The following MPP1 variants were observed in gnomAD, a reference collection of about 807,000 sequenced individuals.
MPP1 encodes MAGUK p55 scaffold protein 1, also known as 55 kDa erythrocyte membrane protein.
Under a neutral mutation model 38.2 loss-of-function variants are expected in MPP1, and 6 were observed. The ratio of observed to expected loss-of-function variants is 0.16; its 90% CI spans 0.09 to 0.31. The LOEUF (loss-of-function observed/expected upper bound fraction) is 0.31, where lower values mean the gene tolerates loss of function less well. Among genes scored for constraint, MPP1 ranks in the 10% least tolerant of loss-of-function variants. MPP1 has a pLI of 1.00. For synonymous variants in MPP1, 153 were observed against 146.3 expected, an observed-to-expected ratio of 1.05 and a Z score of -0.33; for missense variants, 293 against 368.9, an observed-to-expected ratio of 0.79 and a Z score of 1.69.
intron 1 of MPP1, chrX:154,804,835 A>G (rs1463309686): frequency 2.9e-6 from 1 of 343,909 alleles, no homozygotes; most frequent in African/African-American, 2.6e-5. Flanking sequence ...TGCCTAAATG[A>G]AGAGGAACAG....
chrX:154,791,902 T>C, intron 2 of MPP1, 55 bp from the exon 3 acceptor site: 1 of 1,100,419 alleles, frequency 9.1e-7, no homozygotes, highest in Non-Finnish European at 1.3e-6. Context: ...TCTGAGGTTA[T>C]TTTAGAAAGA....
In MPP1 at chrX:154,781,618, G is replaced by A; in HGVS notation, c.1131C>T (p.Ile377=). Residue 377 remains isoleucine (I), a synonymous_variant, in exon 10 of 12, where the codon ATC becomes ATT. Coordinates refer to ENST00000369534, the MANE Select transcript of MPP1 (RefSeq NM_002436.4). ...TACCCACCTGGGGCTCAATGTCAAGGATGGCAATCTTGTTCTGCTTATGGA... is the reference window on the plus strand; with the variant it reads ...TACCCACCTGGGGCTCAATGTCAAGAATGGCAATCTTGTTCTGCTTATGGA... The part of the protein sequence containing the change: ...HQIHKQNKIA[I]LDIEPQTLKI... 5.0e-6 allele frequency: 6 copies of A among 1,210,933 alleles called. No individual in the cohort carries two copies. The highest frequency in any genetic ancestry group is 6.7e-6 in the Non-Finnish European group (6 of 895,422).
In MPP1 at chrX:154,783,469, G is replaced by T. The variant is rs782150002; in HGVS notation, c.904C>A (p.Leu302Met). The T allele has an allele frequency of 5.0e-6, 6 of 1,210,654 alleles. No homozygotes were observed. The highest frequency in any genetic ancestry group is 5.6e-6 in the Non-Finnish European group (5 of 894,968). The change falls in exon 9 of 12, where the codon CTG becomes ATG. Residue 302 changes from leucine to methionine, a missense_variant. Leu to Met is a conservative substitution (Grantham distance 15). Coordinates refer to ENST00000369534, the MANE Select transcript of MPP1 (RefSeq NM_002436.4). ...AACTTCTCCGGATTCTGGCTGAGCAGGGCATTCTTAATGTGGCTGCGACCC... is the reference window on the plus strand; with the variant it reads ...AACTTCTCCGGATTCTGGCTGAGCATGGCATTCTTAATGTGGCTGCGACCC... ...GVGRSHIKNA[L>M]LSQNPEKFVY... is the part of the protein sequence containing the mutation.
rs2072308166 is a variant in MPP1, at chrX:154,805,259, G to A, written c.102+13C>T. ...CCGGCCCAGCGCCCTTGGGACTAGC[G>A]GGGCCCGCTCACCTCTGGCCGACTA... On this transcript the variant is annotated intron_variant, in intron 1 of 11. Transcript: ENST00000369534. 8.4e-7 allele frequency: 1 copy of A among 1,188,951 alleles called. No individual in the cohort carries two copies. The highest frequency in any genetic ancestry group is 1.1e-6 in the Non-Finnish European group (1 of 882,001).
rs782548268 is a variant in MPP1 at position 154,801,787 on chromosome X, C to CAAAA, written c.102+3481_102+3484dup. ...AAAAAAAAAAAAAAAAAAAAAAAAA[C>CAAAA]AAAAAACAGAAAAAAGTCATGAAGT... On this transcript the variant is annotated intron_variant, in intron 1 of 11. Transcript: ENST00000369534. 8.9e-5 allele frequency among the ~76,000 whole-genome samples: 6 copies of CAAAA among 67,074 alleles called. 1 individual carries two copies. Among genetic ancestry groups the CAAAA allele is most frequent in the African/African-American group, 1.3e-4 (2 of 15,845 alleles). The allele number at this position is 67,074 out of a possible 115,157, so 58.2% of individuals were successfully genotyped here.
At chrX:154,802,205 C>T (rs782682907) in intron 1 of MPP1, among the ~76,000 whole-genome samples, 1 of 112,528 alleles carries the variant, frequency 8.9e-6, no homozygotes, top group African/African-American at 3.2e-5. Flanking sequence ...TGCTGGGTGC[C>T]CCTCCTTGCT....
intron 11 of MPP1, among the ~76,000 whole-genome samples, chrX:154,780,926 C>G (rs1308080215): frequency 1.8e-5 from 2 of 112,066 alleles, no homozygotes; most frequent in Non-Finnish European, 3.8e-5. Context: ...ACAGCTTCCC[C>G]TGCCAGAGCC....
intron 11 of MPP1, 55 bp downstream of exon 11, chrX:154,781,184 A>C: frequency 9.6e-7 from 1 of 1,045,149 alleles, no homozygotes; most frequent in Non-Finnish European, 1.3e-6. Context: ...CTGAGGTCCC[A>C]GTATGGGCAG....
intron 6 of MPP1, 66 bp downstream of exon 6, chrX:154,786,138 G>A (rs2072069629): frequency 2.9e-6 from 3 of 1,040,924 alleles, no homozygotes; most frequent in East Asian, 6.3e-5. Context: ...CAAAATGACA[G>A]ATTTTCTGAA....
At chrX:154,797,829 C>T (rs1557268269) in intron 1 of MPP1, among the ~76,000 whole-genome samples, 18 of 111,704 alleles carry the variant, frequency 1.6e-4, no homozygotes, top group Non-Finnish European at 9.4e-5. Context: ...TGTGAAAATA[C>T]AAGCTACAGA....
At chrX:154,781,042 AGCATG>A (rs2071986741) in intron 11 of MPP1, among the ~76,000 whole-genome samples, 192 bp downstream of exon 11, 1 of 111,737 alleles carries the variant, frequency 8.9e-6, no homozygotes, top group Non-Finnish European at 1.9e-5. Context: ...CCTGTTAGGT[AGCATG>A]GGCACTGGCC....
At chrX:154,804,971 C>G (rs1190322468) in intron 1 of MPP1, 7 of 403,376 alleles carry the variant, frequency 1.7e-5, no homozygotes, top group Admixed American at 3.5e-5. Flanking sequence ...TTCTGTTACT[C>G]TGACTTCCGT....
At chrX:154,785,018 GGAACCT>G in intron 7 of MPP1, 27 bp downstream of exon 7, 2 of 1,174,683 alleles carry the variant, frequency 1.7e-6, no homozygotes, top group Non-Finnish European at 2.3e-6. Flanking sequence ...AATGCTGCCA[GGAACCT>G]GGGGCAAGAA....
rs2072271037 is a variant in MPP1 at position 154,801,824 on chromosome X, A to T, written c.102+3448T>A. ...AAAAGTCATGAAGTTCCTGGAAGTG[A>T]AGGACAGGAAAGGCAGACTGGCTGA... On this transcript the variant is annotated intron_variant, in intron 1 of 11. Transcript: ENST00000369534. Among the ~76,000 whole-genome samples, 3 of 104,750 alleles carry T rather than the reference A, an allele frequency of 2.9e-5. No homozygotes were observed. The Admixed American group carries it at 3.1e-4, about 11-fold the overall frequency. The allele number at this position is 104,750 out of a possible 115,157, so 91.0% of individuals were successfully genotyped here.
chrX:154,791,075 T>C lies in MPP1; in HGVS notation c.326-7A>G, dbSNP rs1557267698. 3.3e-6 allele frequency: 4 copies of C among 1,203,054 alleles called. No homozygotes were observed. The highest frequency in any genetic ancestry group is 5.9e-5 in the East Asian group (2 of 33,798). ...TCCCCCACGTGAAGGGAGCCTGCCA[T>C]GAAATGAAAAATCAATCCACAAAAG... is the stretch of plus-strand genomic sequence containing the variant. On this transcript the variant is annotated splice_polypyrimidine_tract_variant and splice_region_variant and intron_variant, in intron 3 of 11. Transcript: ENST00000369534.
At chrX:154,780,570 C>T (rs2728727) in intron 11 of MPP1, among the ~76,000 whole-genome samples, 7,387 of 111,162 alleles carry the variant, frequency 0.066, 261 homozygotes, top group Non-Finnish European at 0.1. Context: ...AGGTGGTTGG[C>T]GGTCCCTGTC....
chrX:154,778,755 A>T lies in MPP1; in HGVS notation c.*422T>A, dbSNP rs948335491. Reference sequence around the variant, plus strand: ...GAGCAGACATCATTCTATTGCACAGATGTGTCATTTTGGCATTATAGAAAG... The same window carrying T: ...GAGCAGACATCATTCTATTGCACAGTTGTGTCATTTTGGCATTATAGAAAG... On this transcript the variant is annotated 3_prime_UTR_variant, in exon 12 of 12. Coordinates refer to ENST00000369534, the MANE Select transcript of MPP1 (RefSeq NM_002436.4). 7.7e-6 allele frequency: 1 copy of T among 129,556 alleles called. No homozygotes were observed. 10.7% of individuals were successfully genotyped at this position (129,556 alleles called of 1,213,427 possible). A position where few individuals can be genotyped will look rare whatever the true frequency, so the allele number is the denominator to read the frequency against.
At chrX:154,785,235 G>T in intron 6 of MPP1, 78 bp from the exon 7 acceptor site, 1 of 670,074 alleles carries the variant, frequency 1.5e-6, no homozygotes, top group Non-Finnish European at 2.1e-6. Flanking sequence ...AGTCTCTAAT[G>T]GCACCCCCTT....
At chrX:154,787,101 A>AACACAC (rs59779466) in intron 5 of MPP1, among the ~76,000 whole-genome samples, 117 of 82,892 alleles carry the variant, frequency 1.4e-3, no homozygotes, top group African/African-American at 4.6e-3. Flanking sequence ...CCTGCTCCCA[A>AACACAC]ACACACACAC....
Sources: gnomAD v4.1 joint callset for allele counts (sites outside exome capture counted in the v4.1 genomes callset) on GRCh38, gnomAD v4.1.1 for gene constraint, MANE v1.5 for transcripts, NCBI Gene and HGNC (gene_info 2026-07-23, HGNC 2026-07-21) for gene names.